Variants in PXDNL observed in about 807,000 individuals in gnomAD.
PXDNL encodes the protein probable oxidoreductase PXDNL.
PXDNL carries 145 observed loss-of-function variants against 150.8 expected under a neutral mutation model. The observed-to-expected ratio is 0.96, with a 90% CI of 0.84 to 1.10. The LOEUF is 1.10. PXDNL is among the 50% of genes least tolerant of loss of function. PXDNL has a pLI of 0.00. For missense variants in PXDNL, 2,087 were observed against 1,873.9 expected, an observed-to-expected ratio of 1.11 and a Z score of -2.10; for synonymous variants, 757 against 725.7, an observed-to-expected ratio of 1.04 and a Z score of -0.69.
intron 1 of PXDNL, among the ~76,000 whole-genome samples, chr8:51,716,826 C>T (rs891064829): frequency 6.6e-6 from 1 of 152,124 alleles, no homozygotes; most frequent in African/African-American, 2.4e-5. Flanking sequence ...TCCCTCGGGC[C>T]CTTCATAGCA....
At chr8:51,771,115 T>TAC (rs1421700176) in intron 1 of PXDNL, among the ~76,000 whole-genome samples, 2 of 152,200 alleles carry the variant, frequency 1.3e-5, no homozygotes, top group Non-Finnish European at 2.9e-5. Context: ...ATCATGGACC[T>TAC]ACAGTTTGAT....
intron 2 of PXDNL, among the ~76,000 whole-genome samples, chr8:51,613,008 G>C (rs1045710151): frequency 2.6e-5 from 4 of 152,086 alleles, no homozygotes; most frequent in Non-Finnish European, 4.4e-5. Flanking sequence ...AACTTGGGAG[G>C]TTACTGCTGC....
chr8:51,664,152 C>T (rs950645522), intron 1 of PXDNL, among the ~76,000 whole-genome samples: 7 of 151,988 alleles, frequency 4.6e-5, no homozygotes, highest in African/African-American at 1.7e-4. Context: ...TGAACAGCGT[C>T]ATTGGGTCAC....
intron 12 of PXDNL, among the ~76,000 whole-genome samples, chr8:51,439,285 A>G (rs1457009851): frequency 6.6e-6 from 1 of 152,226 alleles, no homozygotes; most frequent in Non-Finnish European, 1.5e-5. Context: ...ACAATTCTCA[A>G]AAGAAGATAT....
chr8:51,656,578 T>C (rs558046240), intron 1 of PXDNL, among the ~76,000 whole-genome samples: 3 of 152,164 alleles, frequency 2.0e-5, no homozygotes, highest in Non-Finnish European at 4.4e-5. Context: ...ACAATAATCC[T>C]AATAATTCTC....
chr8:51,389,241 T>A (rs1807819577), intron 17 of PXDNL, among the ~76,000 whole-genome samples: 1 of 152,210 alleles, frequency 6.6e-6, no homozygotes, highest in South Asian at 2.1e-4. Context: ...TTCAGGGGTT[T>A]CATGTGCCCC....
intron 1 of PXDNL, among the ~76,000 whole-genome samples, chr8:51,796,751 A>T (rs1451804773): frequency 6.6e-6 from 1 of 152,216 alleles, no homozygotes; most frequent in Non-Finnish European, 1.5e-5. Context: ...AGGTACAAAG[A>T]GGAGCTGGTA....
At chr8:51,604,972 C>A (rs1237117572) in intron 2 of PXDNL, among the ~76,000 whole-genome samples, 1 of 152,112 alleles carries the variant, frequency 6.6e-6, no homozygotes, top group Admixed American at 6.6e-5. Context: ...AGAAAATACA[C>A]ATTTGCCCAA....
At chr8:51,575,266 AAC>A in intron 3 of PXDNL, among the ~76,000 whole-genome samples, 1 of 152,032 alleles carries the variant, frequency 6.6e-6, no homozygotes. Context: ...TAAGAACACT[AAC>A]AGATAAATCA....
Position 51,342,879 on chromosome 8 carries a change from CAAAAAAAAAA to C in PXDNL, c.4016+2944_4016+2953del, listed in dbSNP as rs35948794. 1.4e-4 allele frequency among the ~76,000 whole-genome samples: 13 copies of C among 90,224 alleles called. No individual in the cohort carries two copies. In the South Asian group the frequency reaches 3.8e-3, roughly 26 times the overall value. The allele number at this position is 90,224 out of a possible 152,430, so 59.2% of individuals were successfully genotyped here. On this transcript the variant is annotated intron_variant, in intron 20 of 22. Transcript: ENST00000356297. ...CACAGCTGGGATGCTGATTAAGATT[CAAAAAAAAAA>C]AAAAAAAAAAGGGCCTTGCTCCTAA...
chr8:51,502,905 T>A (rs866854644), intron 4 of PXDNL, among the ~76,000 whole-genome samples: 23 of 152,092 alleles, frequency 1.5e-4, no homozygotes, highest in Non-Finnish European at 2.9e-4. Context: ...ATCTAAGGGG[T>A]AGAATAACAT....
chr8:51,472,588 A>G (rs1810371831), intron 7 of PXDNL, among the ~76,000 whole-genome samples: 1 of 152,182 alleles, frequency 6.6e-6, no homozygotes, highest in African/African-American at 2.4e-5. Flanking sequence ...AACCATATTT[A>G]TGGAAGGAGT....
chr8:51,404,110 G>C (rs1808361546), intron 17 of PXDNL, among the ~76,000 whole-genome samples: 1 of 152,220 alleles, frequency 6.6e-6, no homozygotes, highest in African/African-American at 2.4e-5. Context: ...GCTGGCCTCA[G>C]GAATGAAGCT....
In PXDNL at chr8:51,408,686, T is replaced by G; in HGVS notation, c.2938A>C (p.Arg980=). 6.3e-7 allele frequency: 1 copy of G among 1,596,212 alleles called. No individual in the cohort carries two copies. Among genetic ancestry groups the G allele is most frequent in the Non-Finnish European group, 8.5e-7 (1 of 1,171,084 alleles). ...AGGGCGGACAGCTCCGTGGCCATCC[T>G]GTTGTGTTCCCGGAACCACAGGGTG... ...MHTLWFREHN[R]MATELSALNP... is the part of the protein sequence containing the mutation. Residue 980 remains arginine (R), a synonymous_variant, in exon 17 of 23, where the codon AGG becomes CGG. Transcript: ENST00000356297.
At chr8:51,780,304 T>C (rs2037398095) in intron 1 of PXDNL, among the ~76,000 whole-genome samples, 1 of 152,056 alleles carries the variant, frequency 6.6e-6, no homozygotes, top group Admixed American at 6.6e-5. Context: ...ACAATAAAGT[T>C]TGAGGGACAC....
At chr8:51,420,519 C>T (rs1260432852) in intron 14 of PXDNL, among the ~76,000 whole-genome samples, 2 of 152,070 alleles carry the variant, frequency 1.3e-5, no homozygotes, top group African/African-American at 4.8e-5. Flanking sequence ...CTCATATTGA[C>T]ATATAAATGT....
chr8:51,727,373 A>G (rs543008794), intron 1 of PXDNL, among the ~76,000 whole-genome samples: 1 of 152,256 alleles, frequency 6.6e-6, no homozygotes, highest in Non-Finnish European at 1.5e-5. Flanking sequence ...GTCCATAAAC[A>G]TCTGTGCCAT....
chr8:51,323,486 G>A lies in PXDNL; in HGVS notation c.4147-2589C>T, dbSNP rs988205264. 3.3e-4 allele frequency among the ~76,000 whole-genome samples: 50 copies of A among 152,144 alleles called. 1 individual carries two copies. The highest frequency in any genetic ancestry group is 1.6e-3 in the Admixed American group (24 of 15,290). ...TGTTGTTTTGTAAAGATGGGGTCTC[G>A]CTATATTACCCAGGCTGATCCTAAA... On this transcript the variant is annotated intron_variant, in intron 21 of 22. Transcript: ENST00000356297.
At chr8:51,569,202 T>C (rs557390827) in intron 3 of PXDNL, among the ~76,000 whole-genome samples, 2 of 151,808 alleles carry the variant, frequency 1.3e-5, no homozygotes, top group Admixed American at 1.3e-4. Flanking sequence ...TAACAGGAAC[T>C]GAGGTAAATA....
Sources: gnomAD v4.1 joint callset for allele counts (sites outside exome capture counted in the v4.1 genomes callset) on GRCh38, gnomAD v4.1.1 for gene constraint, MANE v1.5 for transcripts, NCBI Gene and HGNC (gene_info 2026-07-23, HGNC 2026-07-21) for gene names.